COX6B1: variants seen among roughly 807,000 people sequenced by gnomAD.
COX6B1 encodes the protein COX VIb-1.
Under a neutral mutation model 14.0 loss-of-function variants are expected in COX6B1, and 2 were observed. That is an observed-to-expected ratio of 0.14 (90% CI 0.06 to 0.45). The LOEUF (loss-of-function observed/expected upper bound fraction) is 0.45. COX6B1 is among the 20% of genes least tolerant of loss of function. The pLI, the probability that COX6B1 is intolerant of heterozygous loss-of-function variation, is 0.98. For synonymous variants in COX6B1, 30 were observed against 39.7 expected (o/e 0.76, Z 0.92); for missense variants, 81 against 114.2 (o/e 0.71, Z 1.33).
intron 3 of COX6B1, among the ~76,000 whole-genome samples, chr19:35,657,380 G>A (rs901439089): frequency 3.3e-5 from 5 of 152,028 alleles, no homozygotes; most frequent in African/African-American, 9.7e-5. Context: ...GCAGTAATGC[G>A]AGCATTAGGG....
rs560224207 is a variant in COX6B1 at position 35,654,288 on chromosome 19, C to T, written c.107-283C>T. ...CTGTAATCCTAGCACTTTGGGAGGC[C>T]GAGGTGGGCAGATCAAGACCAGCCT... On this transcript the variant is annotated intron_variant, in intron 2 of 3. Transcript: ENST00000649813. Among the ~76,000 whole-genome samples the T allele has an allele frequency of 2.5e-3, 387 of 152,136 alleles. 4 individuals are homozygous for T. The highest frequency in any genetic ancestry group is 8.1e-3 in the African/African-American group (337 of 41,520).
Position 35,652,364 on chromosome 19 carries a change from G to A in COX6B1, c.106+1015G>A, listed in dbSNP as rs1376815227. Among the ~76,000 whole-genome samples, 3 of 152,028 alleles carry A rather than the reference G, an allele frequency of 2.0e-5. No homozygotes were observed. In the South Asian group the frequency reaches 6.2e-4, roughly 32 times the overall value. On this transcript the variant is annotated intron_variant, in intron 2 of 3. Coordinates refer to ENST00000649813, the MANE Select transcript of COX6B1 (RefSeq NM_001863.5). Reference sequence around the variant, plus strand: ...TTCTTTATGTCCTGTCTGGAACACAGCACCCCGCTCTCCCCAGTAGAGAAG... The same window carrying A: ...TTCTTTATGTCCTGTCTGGAACACAACACCCCGCTCTCCCCAGTAGAGAAG...
intron 3 of COX6B1, 112 bp downstream of exon 3, chr19:35,654,783 C>A: frequency 1.1e-6 from 1 of 876,762 alleles, no homozygotes; most frequent in Non-Finnish European, 1.8e-6. Flanking sequence ...GACAGGGCAC[C>A]ACACTGTCCC....
chr19:35,657,089 A>G (rs114649034), intron 3 of COX6B1, among the ~76,000 whole-genome samples: 2,400 of 152,162 alleles, frequency 0.016, 75 homozygotes, highest in African/African-American at 0.054. Context: ...TGAGTCCAGC[A>G]TATTACATTT....
intron 3 of COX6B1, among the ~76,000 whole-genome samples, chr19:35,658,314 C>T (rs559031889): frequency 1.3e-5 from 2 of 152,260 alleles, no homozygotes; most frequent in South Asian, 2.1e-4. Context: ...AGGGCCCACC[C>T]TTGGAGCTCT....
Position 35,651,229 on chromosome 19 carries a change from C to T in COX6B1, c.-11-4C>T, listed in dbSNP as rs1967820794. ...CTGCTGACACCCACTCCTTTCGCCT[C>T]CAGGATTCAGCACCATGGCGGAAGA... On this transcript the variant is annotated splice_polypyrimidine_tract_variant and splice_region_variant and intron_variant, in intron 1 of 3. Coordinates refer to ENST00000649813, the MANE Select transcript of COX6B1 (RefSeq NM_001863.5). The T allele has an allele frequency of 6.2e-7, 1 of 1,608,656 alleles. No homozygotes were observed. Among genetic ancestry groups the T allele is most frequent in the East Asian group, 2.2e-5 (1 of 44,822 alleles).
Position 35,658,705 on chromosome 19 carries a change from G to GGGT in COX6B1, c.*58_*59insGGT. ...TCCTTCTCCCAGGATGGTGAAGGGG[G>GGGT]ACCTGGTACCCAGTGATCCCCACCC... On this transcript the variant is annotated 3_prime_UTR_variant, in exon 4 of 4. Transcript: ENST00000649813. 2.0e-6 allele frequency: 3 copies of GGGT among 1,490,928 alleles called. No homozygotes were observed. Among genetic ancestry groups the GGGT allele is most frequent in the Non-Finnish European group, 2.8e-6 (3 of 1,068,252 alleles). The allele number at this position is 1,490,928 out of a possible 1,614,324, so 92.4% of individuals were successfully genotyped here.
chr19:35,653,072 ACTTCT>A (rs1967847228), intron 2 of COX6B1, among the ~76,000 whole-genome samples: 1 of 149,246 alleles, frequency 6.7e-6, no homozygotes, highest in Admixed American at 6.8e-5. Flanking sequence ...AGCTTCAAGC[ACTTCT>A]CTGCCTCAGC....
chr19:35,652,248 C>T (rs1277950533), intron 2 of COX6B1, among the ~76,000 whole-genome samples: 3 of 151,414 alleles, frequency 2.0e-5, no homozygotes, highest in Non-Finnish European at 4.4e-5. Flanking sequence ...TCAGGCTGGT[C>T]TCAAACTCCT....
chr19:35,656,079 C>G (rs538788495), intron 3 of COX6B1, among the ~76,000 whole-genome samples: 5 of 152,184 alleles, frequency 3.3e-5, no homozygotes, highest in Non-Finnish European at 4.4e-5. Context: ...GTCTGCCTGC[C>G]TCAGCCTCCC....
chr19:35,649,498 A>G (rs1186252529), intron 1 of COX6B1, among the ~76,000 whole-genome samples: 1 of 136,502 alleles, frequency 7.3e-6, no homozygotes, highest in Non-Finnish European at 1.6e-5. Flanking sequence ...TTTTTTTTTG[A>G]GACAAGATCT....
chr19:35,657,705 G>A lies in COX6B1; in HGVS notation c.208-889G>A, dbSNP rs903335429. 4.0e-4 allele frequency among the ~76,000 whole-genome samples: 58 copies of A among 146,498 alleles called. 1 individual carries two copies. The highest frequency in any genetic ancestry group is 3.1e-3 in the Admixed American group (44 of 14,352). On this transcript the variant is annotated intron_variant, in intron 3 of 3. Coordinates refer to ENST00000649813, the MANE Select transcript of COX6B1 (RefSeq NM_001863.5). Reference sequence around the variant, plus strand: ...GTCTTGCTCTGTCAGGCTGGAGTGCGGTGTGCAGTGGTAGCATCATAGCTC... The same window carrying A: ...GTCTTGCTCTGTCAGGCTGGAGTGCAGTGTGCAGTGGTAGCATCATAGCTC...
intron 3 of COX6B1, among the ~76,000 whole-genome samples, chr19:35,657,986 C>T (rs1041981094): frequency 2.2e-4 from 34 of 151,932 alleles, no homozygotes; most frequent in Non-Finnish European, 1.2e-4. Context: ...AGATGGGGGT[C>T]TTGCCGTGTT....
intron 3 of COX6B1, among the ~76,000 whole-genome samples, 187 bp from the exon 4 acceptor site, chr19:35,658,400 ATGTCAGC>A (rs1967910738): frequency 6.6e-6 from 1 of 152,034 alleles, no homozygotes; most frequent in Admixed American, 6.6e-5. Context: ...TCCTCCCAGC[ATGTCAGC>A]TTGTTCAGAA....
intron 2 of COX6B1, among the ~76,000 whole-genome samples, chr19:35,652,032 CT>C (rs566646791): frequency 0.12 from 16,859 of 142,724 alleles, 931 homozygotes; most frequent in Admixed American, 0.15. Flanking sequence ...TCCCTGCCTT[CT>C]TTTTTTTTTT....
intron 3 of COX6B1, 138 bp from the exon 4 acceptor site, chr19:35,658,456 G>A (rs536247577): frequency 5.5e-5 from 40 of 724,794 alleles, no homozygotes; most frequent in Middle Eastern, 4.6e-4. Context: ...CTGATTCCCC[G>A]GCCTCTAGAA....
intron 2 of COX6B1, 110 bp downstream of exon 2, chr19:35,651,459 C>A: frequency 1.2e-6 from 1 of 805,572 alleles, no homozygotes; most frequent in Non-Finnish European, 2.1e-6. Flanking sequence ...CATCCTTACT[C>A]TGGAAGGCCC....
intron 1 of COX6B1, 174 bp downstream of exon 1, chr19:35,648,577 T>A (rs1967787460): frequency 3.0e-6 from 1 of 337,598 alleles, no homozygotes; most frequent in African/African-American, 2.2e-5. Context: ...TCTTCCTTGA[T>A]GCCAGGCAAC....
chr19:35,649,781 A>T (rs917997317), intron 1 of COX6B1, among the ~76,000 whole-genome samples: 4 of 151,656 alleles, frequency 2.6e-5, no homozygotes, highest in Non-Finnish European at 4.4e-5. Flanking sequence ...CTTCCGGCCA[A>T]TTTTAATATT....
Sources: gnomAD v4.1 joint callset for allele counts (sites outside exome capture counted in the v4.1 genomes callset) on GRCh38, gnomAD v4.1.1 for gene constraint, MANE v1.5 for transcripts, NCBI Gene and HGNC (gene_info 2026-07-23, HGNC 2026-07-21) for gene names.